DOCK8: variants seen among roughly 807,000 people sequenced by gnomAD.
DOCK8 encodes dedicator of cytokinesis protein 8.
DOCK8 carries 141 observed loss-of-function variants against 245.6 expected under a neutral mutation model. The observed-to-expected ratio is 0.57, with a 90% CI of 0.50 to 0.66. The LOEUF (loss-of-function observed/expected upper bound fraction) is 0.66, where lower values mean the gene tolerates loss of function less well. DOCK8 is among the 30% of genes least tolerant of loss of function. DOCK8 has a pLI of 0.00. For synonymous variants in DOCK8, 1,168 were observed against 970.2 expected (o/e 1.20, Z -3.79); for missense variants, 2,965 against 2,603.4 (o/e 1.14, Z -3.02).
At chr9:418,851 G>A (rs2056149275) in intron 30 of DOCK8, among the ~76,000 whole-genome samples, 1 of 152,070 alleles carries the variant, frequency 6.6e-6, no homozygotes, top group African/African-American at 2.4e-5. Flanking sequence ...GCTGTGTTCA[G>A]TCTATGTGTG....
At chr9:352,697 G>A (rs546465810) in intron 14 of DOCK8, among the ~76,000 whole-genome samples, 19 of 146,890 alleles carry the variant, frequency 1.3e-4, no homozygotes, top group African/African-American at 5.0e-4. Context: ...AGCCAAGATC[G>A]CGCCACTGCA....
intron 1 of DOCK8, among the ~76,000 whole-genome samples, chr9:258,518 G>A (rs1313181217): frequency 6.6e-6 from 1 of 151,792 alleles, no homozygotes; most frequent in Non-Finnish European, 1.5e-5. Context: ...AAAGTATGCT[G>A]AGAATAGTTT....
intron 1 of DOCK8, among the ~76,000 whole-genome samples, chr9:257,159 A>G (rs1238227963): frequency 6.6e-6 from 1 of 152,210 alleles, no homozygotes; most frequent in Admixed American, 6.5e-5. Flanking sequence ...TTGAGAAAAG[A>G]TGGAGATGGT....
intron 10 of DOCK8, among the ~76,000 whole-genome samples, chr9:333,450 A>C (rs555989347): frequency 2.6e-5 from 4 of 151,962 alleles, no homozygotes; most frequent in Non-Finnish European, 5.9e-5. Flanking sequence ...AAATACAAAA[A>C]ATTAGCCGGG....
intron 4 of DOCK8, among the ~76,000 whole-genome samples, chr9:292,545 C>G (rs1356409167): frequency 6.7e-5 from 10 of 150,252 alleles, no homozygotes; most frequent in Non-Finnish European, 1.5e-4. Context: ...CATCTTTCTT[C>G]TATATATTTC....
At chr9:419,634 A>G (rs1490552441) in intron 30 of DOCK8, among the ~76,000 whole-genome samples, 5 of 152,136 alleles carry the variant, frequency 3.3e-5, no homozygotes, top group Non-Finnish European at 7.3e-5. Flanking sequence ...CAAATTCCTC[A>G]TTGCAATTTC....
intron 1 of DOCK8, among the ~76,000 whole-genome samples, chr9:221,657 CA>C (rs34575251): frequency 0.19 from 22,562 of 119,972 alleles, 1,785 homozygotes; most frequent in Admixed American, 0.24. Flanking sequence ...ACTAAAAGTA[CA>C]AAAAAAAAAA....
chr9:304,226 G>T (rs1380840813), intron 4 of DOCK8, among the ~76,000 whole-genome samples: 1 of 152,144 alleles, frequency 6.6e-6, no homozygotes, highest in Non-Finnish European at 1.5e-5. Context: ...CTCTATTTGT[G>T]GCTTCTGCAC....
chr9:406,252 C>T (rs1586938057), intron 27 of DOCK8, among the ~76,000 whole-genome samples: 1 of 151,972 alleles, frequency 6.6e-6, no homozygotes, highest in Non-Finnish European at 1.5e-5. Flanking sequence ...CCAGCATCTT[C>T]GGAGGCCAAA....
intron 14 of DOCK8, among the ~76,000 whole-genome samples, chr9:358,624 G>A (rs893877705): frequency 8.1e-5 from 12 of 148,796 alleles, no homozygotes; most frequent in Non-Finnish European, 1.3e-4. Context: ...CGAGGTGGGC[G>A]GATCACTTGA....
chr9:265,192 A>G (rs1266125561), intron 1 of DOCK8, among the ~76,000 whole-genome samples: 1 of 152,184 alleles, frequency 6.6e-6, no homozygotes, highest in African/African-American at 2.4e-5. Flanking sequence ...TTGGCCTCCC[A>G]AAGTGCTGGG....
At chr9:442,562 A>G (rs778909578) in intron 42 of DOCK8, among the ~76,000 whole-genome samples, 1 of 152,242 alleles carries the variant, frequency 6.6e-6, no homozygotes, top group Non-Finnish European at 1.5e-5. Context: ...TACAACAGAA[A>G]AGTGTAGCAT....
upstream of DOCK8, chr9:214,753 C>A: frequency 6.5e-7 from 1 of 1,528,224 alleles, no homozygotes; most frequent in African/African-American, 1.4e-5. Flanking sequence ...CCCGCCGCTG[C>A]CTGCGCGCCA....
chr9:211,488 AAAG>A (rs2046619417), upstream of DOCK8, among the ~76,000 whole-genome samples: 1 of 152,118 alleles, frequency 6.6e-6, no homozygotes, highest in African/African-American at 2.4e-5. Flanking sequence ...GAGATAGGAG[AAAG>A]AAGAGGCTAC....
chr9:245,718 T>C (rs1008634242), intron 1 of DOCK8, among the ~76,000 whole-genome samples: 21 of 152,154 alleles, frequency 1.4e-4, no homozygotes, highest in African/African-American at 4.1e-4. Flanking sequence ...TGTTGAAGCA[T>C]TTATTTAGTG....
intron 4 of DOCK8, among the ~76,000 whole-genome samples, chr9:294,313 C>T (rs2049167243): frequency 6.6e-6 from 1 of 152,180 alleles, no homozygotes; most frequent in African/African-American, 2.4e-5. Context: ...GAAATGAAGC[C>T]AGTGTACATG....
rs115532830 is a variant in DOCK8, at chr9:289,472, C to T, written c.333-38C>T. 4,384 of 1,519,648 alleles carry T rather than the reference C, an allele frequency of 2.9e-3. 104 individuals are homozygous for T. The African/African-American group carries it at 0.061, about 21-fold the overall frequency. The allele number at this position is 1,519,648 out of a possible 1,614,324, so 94.1% of individuals were successfully genotyped here. ...TTAGGGGTTGTTTTGTTGTTTTACC[C>T]AGTAATAACGTGTTTATTTCATTTT... On this transcript the variant is annotated intron_variant, in intron 3 of 47. Coordinates refer to ENST00000432829, the MANE Select transcript of DOCK8 (RefSeq NM_203447.4).
Position 400,632 on chromosome 9 carries a change from C to T in DOCK8, c.3234+1373C>T, listed in dbSNP as rs1226237749. Among the ~76,000 whole-genome samples, 29 of 111,932 alleles carry T rather than the reference C, an allele frequency of 2.6e-4. 2 individuals carry two copies. Among genetic ancestry groups the T allele is most frequent in the Admixed American group, 1.7e-4 (2 of 11,712 alleles). The allele number at this position is 111,932 out of a possible 152,430, so 73.4% of individuals were successfully genotyped here. ...ACCACCACCTCCACCACCATCACCA[C>T]CACCTCCACCATCACCACCACCTCC... On this transcript the variant is annotated intron_variant, in intron 26 of 47. Transcript: ENST00000432829.
chr9:335,340 C>G (rs569366271), intron 11 of DOCK8, among the ~76,000 whole-genome samples: 9 of 152,266 alleles, frequency 5.9e-5, no homozygotes, highest in African/African-American at 2.2e-4. Context: ...GTTTCTCTTT[C>G]CCTAAATGCT....
Sources: gnomAD v4.1 joint callset for allele counts (sites outside exome capture counted in the v4.1 genomes callset) on GRCh38, gnomAD v4.1.1 for gene constraint, MANE v1.5 for transcripts, NCBI Gene and HGNC (gene_info 2026-07-23, HGNC 2026-07-21) for gene names.